The following UBOX5 variants were observed in gnomAD, a reference collection of about 807,000 sequenced individuals.
The protein encoded by UBOX5 is U-box domain containing 5.
In UBOX5, 28 loss-of-function variants were observed where a neutral mutation model predicts 39.0. The ratio of observed to expected loss-of-function variants is 0.72; its 90% CI spans 0.53 to 0.98. The LOEUF is 0.98. UBOX5 is among the 50% of genes least tolerant of loss of function. The pLI is 0.00. For synonymous variants in UBOX5, 283 were observed against 275.5 expected (o/e 1.03, Z -0.27); for missense variants, 585 against 674.4 (o/e 0.87, Z 1.47).
chr20:3,144,815 T>C (rs1350820095), intron 1 of UBOX5, among the ~76,000 whole-genome samples: 1 of 152,226 alleles, frequency 6.6e-6, no homozygotes, highest in African/African-American at 2.4e-5. Context: ...ATAGCATGTT[T>C]CCTTCTCATC....
rs1466054421 is a variant in UBOX5 at position 3,121,684 on chromosome 20, G to A, written c.955C>T (p.Leu319=). 6.2e-7 allele frequency: 1 copy of A among 1,613,822 alleles called. No individual in the cohort carries two copies. Among genetic ancestry groups the A allele is most frequent in the Non-Finnish European group, 8.5e-7 (1 of 1,180,000 alleles). ...CGGGCCTTGAGGGAGGGGTGAGGCA[G>A]GGGCTGAGAGTGCGGAGTAAAAGCT... The part of the protein sequence containing the change: ...GVAFTPHSQP[L]PHPSLKARID... The change falls in exon 3 of 5, where the codon CTG becomes TTG. Residue 319 remains leucine, a synonymous_variant. Transcript: ENST00000217173.
rs542864454 is a variant in UBOX5, at chr20:3,118,407, G to A, written c.1256-2941C>T. Among the ~76,000 whole-genome samples, 210 of 151,530 alleles carry A rather than the reference G, an allele frequency of 1.4e-3. 1 individual carries two copies. The highest frequency in any genetic ancestry group is 5.0e-3 in the African/African-American group (205 of 41,252). Reference sequence around the variant, plus strand: ...AGAATTGCTTAGACCAGGAGGCAGAGGTTGCAGTGAGCCAAGATTGTGCTA... The same window carrying A: ...AGAATTGCTTAGACCAGGAGGCAGAAGTTGCAGTGAGCCAAGATTGTGCTA... On this transcript the variant is annotated intron_variant, in intron 3 of 4. Coordinates refer to ENST00000217173, the MANE Select transcript of UBOX5 (RefSeq NM_014948.4).
In UBOX5 at chr20:3,121,742, C is replaced by T; in HGVS notation, c.897G>A (p.Trp299Ter). ...LEKCNRSEAT[W>*]GRVPSDPFTG... ...TGAAAGGGTCACTGGGCACTCGGCC[C>T]CATGTGGCTTCACTGCGGTTACACT... is the stretch of plus-strand genomic sequence containing the variant. The change falls in exon 3 of 5, where the codon TGG (tryptophan) becomes TGA (stop). Residue 299 changes from tryptophan (W) to a stop codon, truncating the protein, a stop_gained. Transcript: ENST00000217173. LOFTEE classifies it high-confidence loss of function. 2.5e-6 allele frequency: 4 copies of T among 1,614,090 alleles called. No individual in the cohort carries two copies. Among genetic ancestry groups the T allele is most frequent in the Non-Finnish European group, 3.4e-6 (4 of 1,180,034 alleles).
intron 1 of UBOX5, among the ~76,000 whole-genome samples, chr20:3,152,779 G>A (rs1281735871): frequency 1.3e-5 from 2 of 151,280 alleles, no homozygotes; most frequent in East Asian, 2.0e-4. Flanking sequence ...GTGGTAGTGC[G>A]CCTGTAATCC....
In UBOX5 at chr20:3,109,327, G is replaced by A. The variant is rs923196970; in HGVS notation, c.*779C>T. On this transcript the variant is annotated 3_prime_UTR_variant, in exon 5 of 5. Transcript: ENST00000217173. ...TGAGGAAACGCTGCGCTCCCCCTCA[G>A]GGAGCAGTTTCTGAAGCCAGCTGAG... The A allele has an allele frequency of 4.6e-5, 7 of 152,220 alleles. No homozygotes were observed. Among genetic ancestry groups the A allele is most frequent in the African/African-American group, 1.4e-4 (6 of 41,448 alleles). The allele number at this position is 152,220 out of a possible 1,614,324, so 9.4% of individuals were successfully genotyped here.
intron 3 of UBOX5, among the ~76,000 whole-genome samples, chr20:3,120,645 C>CA (rs1183467647): frequency 1.9e-3 from 137 of 70,660 alleles, no homozygotes; most frequent in Admixed American, 5.8e-3. Flanking sequence ...GACTCCATCT[C>CA]AAAAAAAAAA....
chr20:3,125,669 G>A (rs576251064), intron 1 of UBOX5, among the ~76,000 whole-genome samples: 77 of 134,858 alleles, frequency 5.7e-4, no homozygotes, highest in Non-Finnish European at 9.6e-4. Context: ...AGTGAGGAGC[G>A]CCTCTGCCCG....
At chr20:3,119,414 G>A (rs1263528758) in intron 3 of UBOX5, among the ~76,000 whole-genome samples, 1 of 152,230 alleles carries the variant, frequency 6.6e-6, no homozygotes, top group Non-Finnish European at 1.5e-5. Flanking sequence ...GGAAGACCCT[G>A]AAGCAGAGAA....
Position 3,109,594 on chromosome 20 carries a change from C to T in UBOX5, c.*512G>A, listed in dbSNP as rs1196399602. ...TGTGTGACACAGACAGGCACTCCACCAGGAGGAAACCCACAGCAGACGTCA... is the reference window on the plus strand; with the variant it reads ...TGTGTGACACAGACAGGCACTCCACTAGGAGGAAACCCACAGCAGACGTCA... On this transcript the variant is annotated 3_prime_UTR_variant, in exon 5 of 5. Transcript: ENST00000217173. The T allele has an allele frequency of 2.3e-5, 4 of 175,828 alleles. No individual in the cohort carries two copies. The highest frequency in any genetic ancestry group is 5.0e-5 in the Non-Finnish European group (4 of 80,656). The allele number at this position is 175,828 out of a possible 1,614,324, so 10.9% of individuals were successfully genotyped here.
chr20:3,133,909 C>T (rs1357469652), intron 1 of UBOX5, among the ~76,000 whole-genome samples: 2 of 151,980 alleles, frequency 1.3e-5, no homozygotes, highest in African/African-American at 4.8e-5. Context: ...CGCACCACCA[C>T]ATCCGGCTAA....
intron 1 of UBOX5, among the ~76,000 whole-genome samples, chr20:3,124,600 G>A (rs918952827): frequency 6.6e-6 from 1 of 151,180 alleles, no homozygotes; most frequent in Admixed American, 6.6e-5. Context: ...TGGGATGTGA[G>A]GAGAGCCTCT....
intron 1 of UBOX5, among the ~76,000 whole-genome samples, chr20:3,146,115 C>T (rs1326536442): frequency 6.6e-6 from 1 of 151,362 alleles, no homozygotes; most frequent in Non-Finnish European, 1.5e-5. Context: ...CCAAGGCAGG[C>T]GGATCACCGG....
At chr20:3,119,680 C>T (rs918712021) in intron 3 of UBOX5, among the ~76,000 whole-genome samples, 2 of 152,008 alleles carry the variant, frequency 1.3e-5, no homozygotes, top group Admixed American at 1.3e-4. Context: ...ATGGTGAAAA[C>T]CTGTCTTTAC....
intron 1 of UBOX5, among the ~76,000 whole-genome samples, chr20:3,132,306 T>C (rs1287882762): frequency 8.6e-5 from 13 of 151,998 alleles, no homozygotes; most frequent in Non-Finnish European, 1.9e-4. Flanking sequence ...TGAGACCCTG[T>C]CTCAAAACAA....
At chr20:3,157,116 A>G (rs1012371112) in intron 1 of UBOX5, among the ~76,000 whole-genome samples, 2 of 152,130 alleles carry the variant, frequency 1.3e-5, no homozygotes, top group Non-Finnish European at 2.9e-5. Flanking sequence ...AAGGGCAAAA[A>G]AACCGAACTT....
intron 1 of UBOX5, among the ~76,000 whole-genome samples, chr20:3,158,500 C>G (rs192844164): frequency 3.0e-4 from 46 of 152,174 alleles, no homozygotes; most frequent in Non-Finnish European, 5.7e-4. Flanking sequence ...TTGAGACGGA[C>G]TCTCGCTCTC....
In UBOX5 at chr20:3,108,401, C is replaced by T; in HGVS notation, c.*1705G>A. The T allele has an allele frequency of 6.6e-6, 1 of 152,324 alleles. No homozygotes were observed. The highest frequency in any genetic ancestry group is 1.9e-4 in the East Asian group (1 of 5,150). The allele number at this position is 152,324 out of a possible 1,614,324, so 9.4% of individuals were successfully genotyped here. A position where few individuals can be genotyped will look rare whatever the true frequency, so the allele number is the denominator to read the frequency against. On this transcript the variant is annotated 3_prime_UTR_variant, in exon 5 of 5. Coordinates refer to ENST00000217173, the MANE Select transcript of UBOX5 (RefSeq NM_014948.4). ...GGGATAATAGGCATGAGCCACCATG[C>T]CCGGCCATGCTGGGGCTTTTCTAAG...
intron 1 of UBOX5, chr20:3,151,647 T>TA (rs556154498): frequency 4.6e-5 from 7 of 151,274 alleles, no homozygotes; most frequent in East Asian, 1.9e-4. Flanking sequence ...AAAAATAAAT[T>TA]AAAAAAATAA....
At position 3,122,131 on chromosome 20, in the gene UBOX5, C is replaced by T. The variant is rs757544366; in HGVS notation, c.508G>A (p.Val170Met). ...GTGATACAGATCCTTAAGTGGGCCA[C>T]GTGGCTAAGGGAAAGAGCCCCTTTA... ...WNKGALSLSH[V>M]AHLRICITHV... Residue 170 changes from valine (V) to methionine (M), a missense_variant, in exon 3 of 5, where the codon GTG becomes ATG. Transcript: ENST00000217173. The T allele has an allele frequency of 2.0e-5, 33 of 1,614,120 alleles. No individual in the cohort carries two copies. Among genetic ancestry groups the T allele is most frequent in the Admixed American group, 1.3e-4 (8 of 60,008 alleles).
Sources: gnomAD v4.1 joint callset for allele counts (sites outside exome capture counted in the v4.1 genomes callset) on GRCh38, gnomAD v4.1.1 for gene constraint, MANE v1.5 for transcripts, NCBI Gene and HGNC (gene_info 2026-07-23, HGNC 2026-07-21) for gene names.